GPA33: variants seen among roughly 807,000 people sequenced by gnomAD.
GPA33 encodes the protein cell surface A33 antigen.
GPA33 carries 27 observed loss-of-function variants against 35.6 expected under a neutral mutation model. The observed-to-expected ratio is 0.76, with a 90% confidence interval of 0.56 to 1.04. The LOEUF (loss-of-function observed/expected upper bound fraction) is 1.04. GPA33 is among the 50% of genes least tolerant of loss of function. GPA33 has a pLI of 0.00. For synonymous variants in GPA33, 176 were observed against 164.0 expected (o/e 1.07, Z -0.56); for missense variants, 428 against 411.9 (o/e 1.04, Z -0.34).
intron 1 of GPA33, among the ~76,000 whole-genome samples, chr1:167,083,607 A>C (rs575816451): frequency 6.6e-6 from 1 of 152,348 alleles, no homozygotes; most frequent in African/African-American, 2.4e-5. Flanking sequence ...TCATAGAAAT[A>C]AATGTAAAAC....
chr1:167,062,642 C>CTTTTTT (rs1571306971), intron 4 of GPA33, among the ~76,000 whole-genome samples: 1 of 69,934 alleles, frequency 1.4e-5, no homozygotes, highest in African/African-American at 4.3e-5. Context: ...TTATATAGCT[C>CTTTTTT]TTTCTTTTTT....
In GPA33 at chr1:167,090,332, C is replaced by A. The variant is rs1271727118; in HGVS notation, c.-45G>T. 1.9e-6 allele frequency: 3 copies of A among 1,540,416 alleles called. No homozygotes were observed. Among genetic ancestry groups the A allele is most frequent in the Non-Finnish European group, 1.8e-6 (2 of 1,113,610 alleles). On this transcript the variant is annotated 5_prime_UTR_variant, in exon 1 of 7. Transcript: ENST00000367868. ...CCTAAACCTAACCTGTCACTGGCAG[C>A]CTCCAGACAGGTCTGAGCTGTCTGG...
Position 167,055,030 on chromosome 1 carries a change from C to A in GPA33, c.773G>T (p.Cys258Phe). Reference sequence around the variant, plus strand: ...GTCGTCCTTCCCTCGGCAGCAGCAGCAGTAGATGATGATGCCAATGATAAT... The same window carrying A: ...GTCGTCCTTCCCTCGGCAGCAGCAGAAGTAGATGATGATGCCAATGATAAT... Reference protein sequence around the residue: ...ALIIIGIIIYCCCCRGKDDNT... With the variant: ...ALIIIGIIIYFCCCRGKDDNT... The change falls in exon 6 of 7, where the codon TGC becomes TTC. Residue 258 changes from cysteine (C) to phenylalanine (F), a missense_variant. Cys to Phe is a radical substitution (Grantham distance 205). Coordinates refer to ENST00000367868, the MANE Select transcript of GPA33 (RefSeq NM_005814.3). The A allele has an allele frequency of 6.2e-7, 1 of 1,613,942 alleles. No individual in the cohort carries two copies. Among genetic ancestry groups the A allele is most frequent in the Non-Finnish European group, 8.5e-7 (1 of 1,179,952 alleles).
At chr1:167,058,114 G>T (rs1165211950) in intron 4 of GPA33, among the ~76,000 whole-genome samples, 1 of 152,182 alleles carries the variant, frequency 6.6e-6, no homozygotes, top group Non-Finnish European at 1.5e-5. Flanking sequence ...CAAAAGAATC[G>T]CTTGAACCTG....
chr1:167,065,064 T>C (rs1476594982), intron 3 of GPA33, among the ~76,000 whole-genome samples: 1 of 152,148 alleles, frequency 6.6e-6, no homozygotes, highest in Non-Finnish European at 1.5e-5. Context: ...AAGATACCAT[T>C]GTGGAGCTGG....
At chr1:167,084,508 C>T (rs540070228) in intron 1 of GPA33, among the ~76,000 whole-genome samples, 25 of 152,336 alleles carry the variant, frequency 1.6e-4, no homozygotes, top group Non-Finnish European at 3.7e-4. Flanking sequence ...TCTGTGACTG[C>T]TTCTCAATAG....
chr1:167,083,578 G>T (rs1021736533), intron 1 of GPA33, among the ~76,000 whole-genome samples: 28 of 152,330 alleles, frequency 1.8e-4, no homozygotes, highest in African/African-American at 6.7e-4. Flanking sequence ...AGGGAAGTCA[G>T]ATGGTAATAA....
At chr1:167,074,104 G>T (rs571960775) in intron 1 of GPA33, among the ~76,000 whole-genome samples, 1 of 150,114 alleles carries the variant, frequency 6.7e-6, no homozygotes, top group South Asian at 2.1e-4. Context: ...TATCTCGTAT[G>T]AGTTTATCAG....
At chr1:167,056,806 T>C (rs1415334113) in intron 4 of GPA33, among the ~76,000 whole-genome samples, 1 of 3,256 alleles carries the variant, frequency 3.1e-4, no homozygotes, top group Admixed American at 4.2e-3. Context: ...TGTGGTGTGG[T>C]GTGTATGTGG....
rs769850908 is a variant in GPA33 at position 167,055,105 on chromosome 1, A to G, written c.698T>C (p.Met233Thr). The change falls in exon 6 of 7, where the codon ATG becomes ACG. Residue 233 changes from methionine (M) to threonine (T), a missense_variant. Transcript: ENST00000367868. ...GATGCCCACATACAGGGCCACGTTC[A>G]TGGAGGCTGCAAGAGGACAGAGCAG... ...NITVAVRSPS[M>T]NVALYVGIAV... is the part of the protein sequence containing the mutation. 7.4e-6 allele frequency: 12 copies of G among 1,612,412 alleles called. No individual in the cohort carries two copies. In the South Asian group the frequency reaches 1.3e-4, roughly 18 times the overall value.
At chr1:167,064,144 C>T (rs765708568) in intron 3 of GPA33, among the ~76,000 whole-genome samples, 1 of 152,060 alleles carries the variant, frequency 6.6e-6, no homozygotes, top group Non-Finnish European at 1.5e-5. Flanking sequence ...ATTAGCCGGC[C>T]GTGGTGGCAC....
At chr1:167,055,609 CAGG>C in intron 5 of GPA33, 118 bp downstream of exon 5, 1 of 1,059,598 alleles carries the variant, frequency 9.4e-7, no homozygotes, top group South Asian at 1.4e-5. Flanking sequence ...AGCTAACCTG[CAGG>C]TGCGTGGCCC....
intron 4 of GPA33, among the ~76,000 whole-genome samples, chr1:167,062,524 C>T (rs1410651088): frequency 6.6e-6 from 1 of 151,756 alleles, no homozygotes; most frequent in Non-Finnish European, 1.5e-5. Flanking sequence ...CCCAGCAAGC[C>T]TTGTCTTTCT....
At chr1:167,057,339 T>G (rs1666329490) in intron 4 of GPA33, among the ~76,000 whole-genome samples, 2 of 152,094 alleles carry the variant, frequency 1.3e-5, no homozygotes, top group African/African-American at 2.4e-5. Flanking sequence ...CCAAGATGCT[T>G]TGTTATAACT....
intron 3 of GPA33, among the ~76,000 whole-genome samples, chr1:167,064,311 A>AAAAG (rs35530433): frequency 2.4e-4 from 36 of 150,790 alleles, no homozygotes; most frequent in South Asian, 6.3e-4. Flanking sequence ...GAAAAAAAGA[A>AAAAG]AAAGAAAGAA....
At chr1:167,072,072 G>T (rs910015477) in intron 2 of GPA33, among the ~76,000 whole-genome samples, 51 of 152,324 alleles carry the variant, frequency 3.3e-4, no homozygotes, top group African/African-American at 1.2e-3. Context: ...TCTGGGAGCA[G>T]TCGGGACAGG....
chr1:167,056,840 A>ATG (rs1666309068), intron 4 of GPA33, among the ~76,000 whole-genome samples: 6 of 6,098 alleles, frequency 9.8e-4, no homozygotes, highest in Admixed American at 1.8e-3. Flanking sequence ...GTGTGTGGTG[A>ATG]GTGTGTAATG....
intron 6 of GPA33, among the ~76,000 whole-genome samples, chr1:167,054,699 C>G (rs534189955): frequency 6.6e-6 from 1 of 152,156 alleles, no homozygotes; most frequent in African/African-American, 2.4e-5. Context: ...CCAGGAGGAA[C>G]TGGCCCCGTG....
At chr1:167,064,605 T>A (rs887042761) in intron 3 of GPA33, among the ~76,000 whole-genome samples, 1 of 152,246 alleles carries the variant, frequency 6.6e-6, no homozygotes, top group Non-Finnish European at 1.5e-5. Context: ...ATTGTCTTTG[T>A]TGCTGCTACT....
Sources: allele counts gnomAD v4.1 joint callset (sites outside exome capture counted in the v4.1 genomes callset), GRCh38; gene constraint gnomAD v4.1.1; transcripts MANE v1.5; gene names NCBI Gene and HGNC (gene_info 2026-07-23, HGNC 2026-07-21).